Variants in SLC4A8 observed in about 807,000 individuals in gnomAD.
SLC4A8 encodes electroneutral sodium bicarbonate exchanger 1.
In SLC4A8, 40 loss-of-function variants were observed where a neutral mutation model predicts 125.0. That is an observed-to-expected ratio of 0.32 (90% confidence interval 0.25 to 0.42). The LOEUF (loss-of-function observed/expected upper bound fraction) is 0.42. Among genes scored for constraint, SLC4A8 ranks in the 10% least tolerant of loss-of-function variants. The probability of loss-of-function intolerance (pLI) is 1.00; values close to 1 mark genes in which losing one functional copy is unlikely to be tolerated. For missense variants in SLC4A8, 863 were observed against 1,355.1 expected (o/e 0.64, Z 5.70); for synonymous variants, 456 against 476.0 (o/e 0.96, Z 0.55).
chr12:51,413,769 G>A (rs1370721263), intron 1 of SLC4A8, among the ~76,000 whole-genome samples: 6 of 152,034 alleles, frequency 3.9e-5, no homozygotes, highest in Admixed American at 1.3e-4. Context: ...ATTCTGTTTC[G>A]TTGGTCTGTG....
At chr12:51,453,832 A>G (rs930346210) in intron 5 of SLC4A8, 133 bp downstream of exon 5, 5 of 703,842 alleles carry the variant, frequency 7.1e-6, no homozygotes, top group Non-Finnish European at 9.2e-6. Flanking sequence ...TCCTGGCCTC[A>G]ATGTCCTTGG....
chr12:51,513,591 A>T lies in SLC4A8; in HGVS notation c.*6153A>T, dbSNP rs1190957520. The T allele has an allele frequency of 6.6e-6, 1 of 152,314 alleles. No homozygotes were observed. Among genetic ancestry groups the T allele is most frequent in the Non-Finnish European group, 1.5e-5 (1 of 68,144 alleles). 9.4% of individuals were successfully genotyped at this position (152,314 alleles called of 1,614,324 possible). On this transcript the variant is annotated 3_prime_UTR_variant, in exon 25 of 25. Transcript: ENST00000453097. ...TGCCTCAGCCTCCTGAGTAGCTGGGACTATAGGCGCGCACCACCATGCCCA... is the reference window on the plus strand; with the variant it reads ...TGCCTCAGCCTCCTGAGTAGCTGGGTCTATAGGCGCGCACCACCATGCCCA...
intron 1 of SLC4A8, 90 bp from the exon 2 acceptor site, chr12:51,440,618 A>G: frequency 1.1e-6 from 1 of 929,538 alleles, no homozygotes; most frequent in South Asian, 1.6e-5. Flanking sequence ...TTTCCCCCGT[A>G]AGTATCTCAA....
At chr12:51,411,097 C>T (rs1193148660) in intron 1 of SLC4A8, among the ~76,000 whole-genome samples, 1 of 143,912 alleles carries the variant, frequency 6.9e-6, no homozygotes, top group Non-Finnish European at 1.5e-5. Flanking sequence ...GATTTCAGTT[C>T]CTTATACAGA....
rs1938304919 is a variant in SLC4A8, at chr12:51,509,957, ATCCTGGC to A, written c.*2522_*2528del. On this transcript the variant is annotated 3_prime_UTR_variant, in exon 25 of 25. Transcript: ENST00000453097. The stretch of plus-strand genomic sequence containing the variant: ...TGGGGTTGGGCGAATGGGTTGGATG[ATCCTGGC>A]TCTGTGGGTGTGGTGCTCGGTTGCC... The A allele has an allele frequency of 6.6e-6, 1 of 152,428 alleles. No homozygotes were observed. The highest frequency in any genetic ancestry group is 1.5e-5 in the Non-Finnish European group (1 of 68,094). 9.4% of individuals were successfully genotyped at this position (152,428 alleles called of 1,614,324 possible). A position where few individuals can be genotyped will look rare whatever the true frequency, so the allele number is the denominator to read the frequency against.
At position 51,511,452 on chromosome 12, in the gene SLC4A8, C is replaced by T. The variant is rs771697168; in HGVS notation, c.*4014C>T. The T allele has an allele frequency of 3.9e-5, 6 of 152,184 alleles. No homozygotes were observed. Among genetic ancestry groups the T allele is most frequent in the Admixed American group, 6.5e-5 (1 of 15,276 alleles). 9.4% of individuals were successfully genotyped at this position (152,184 alleles called of 1,614,324 possible). On this transcript the variant is annotated 3_prime_UTR_variant, in exon 25 of 25. Transcript: ENST00000453097. ...TCGCCCAGGCTGGAGTGCAGTGGTG[C>T]GATCTCATCTCACTGCAACCTCTGC...
chr12:51,404,550 G>A (rs1016785069), intron 1 of SLC4A8, among the ~76,000 whole-genome samples: 4 of 152,060 alleles, frequency 2.6e-5, no homozygotes, highest in South Asian at 2.1e-4. Flanking sequence ...TCCTCCCCCC[G>A]TCTTTTCTCC....
chr12:51,411,781 T>C (rs1033200276), intron 1 of SLC4A8, among the ~76,000 whole-genome samples: 2 of 152,158 alleles, frequency 1.3e-5, no homozygotes, highest in African/African-American at 4.8e-5. Flanking sequence ...TTCTATTTAG[T>C]AGAGTTAAAA....
At chr12:51,492,505 A>G (rs1412007026) in intron 19 of SLC4A8, among the ~76,000 whole-genome samples, 2 of 152,146 alleles carry the variant, frequency 1.3e-5, no homozygotes, top group African/African-American at 4.8e-5. Flanking sequence ...CTGCTTCTCC[A>G]AGATAGAACC....
intron 17 of SLC4A8, among the ~76,000 whole-genome samples, chr12:51,487,286 A>G (rs1951186015): frequency 1.3e-5 from 2 of 152,204 alleles, no homozygotes; most frequent in South Asian, 4.1e-4. Context: ...TCTGAAGGCT[A>G]GTACTATTAC....
Position 51,510,561 on chromosome 12 carries a change from T to C in SLC4A8, c.*3123T>C, listed in dbSNP as rs1455579863. The C allele has an allele frequency of 6.6e-6, 1 of 152,226 alleles. No homozygotes were observed. The highest frequency in any genetic ancestry group is 1.5e-5 in the Non-Finnish European group (1 of 68,042). The allele number at this position is 152,226 out of a possible 1,614,324, so 9.4% of individuals were successfully genotyped here. On this transcript the variant is annotated 3_prime_UTR_variant, in exon 25 of 25. Transcript: ENST00000453097. ...ATTTTTTCTCAATTATGCTTGCTAA[T>C]GTGTCAAAGGCCAAGTACACTGTAT...
chr12:51,501,548 A>G (rs1428064449), intron 22 of SLC4A8, among the ~76,000 whole-genome samples: 4 of 152,120 alleles, frequency 2.6e-5, no homozygotes, highest in Non-Finnish European at 4.4e-5. Flanking sequence ...TCTTTATTCA[A>G]TCCACCATTG....
At chr12:51,480,363 G>A (rs935921576) in intron 16 of SLC4A8, 19 of 1,166,828 alleles carry the variant, frequency 1.6e-5, no homozygotes, top group Middle Eastern at 3.7e-4. Context: ...TAAAAGTCTA[G>A]AATGTGCTGC....
intron 16 of SLC4A8, among the ~76,000 whole-genome samples, chr12:51,483,191 T>C (rs1382783507): frequency 6.6e-6 from 1 of 152,178 alleles, no homozygotes; most frequent in Non-Finnish European, 1.5e-5. Flanking sequence ...CAGTAGGTTT[T>C]GATGCTGCCT....
chr12:51,488,651 C>G (rs779175619), intron 17 of SLC4A8, 48 bp from the exon 18 acceptor site: 1 of 1,474,726 alleles, frequency 6.8e-7, no homozygotes, highest in Non-Finnish European at 9.4e-7. Flanking sequence ...ATGTTTTACC[C>G]CAATGACTAT....
rs551161363 is a variant in SLC4A8 at position 51,505,344 on chromosome 12, T to C, written c.3174-491T>C. Among the ~76,000 whole-genome samples, 3 of 152,270 alleles carry C rather than the reference T, an allele frequency of 2.0e-5. No homozygotes were observed. In the East Asian group the frequency reaches 5.8e-4, roughly 29 times the overall value. ...ACTTAGCTCTGAGAGCTTTCATTTC[T>C]GCACCTTCAAAATGAGGATGTTAAT... On this transcript the variant is annotated intron_variant, in intron 23 of 24. Coordinates refer to ENST00000453097, the MANE Select transcript of SLC4A8 (RefSeq NM_001039960.3).
intron 16 of SLC4A8, among the ~76,000 whole-genome samples, chr12:51,476,231 C>T (rs138323170): frequency 0.015 from 2,246 of 152,308 alleles, 73 homozygotes; most frequent in African/African-American, 0.052. Flanking sequence ...CCTGTAATCC[C>T]AGCACTTTGG....
chr12:51,413,138 T>G (rs1232311089), intron 1 of SLC4A8, among the ~76,000 whole-genome samples: 1 of 152,222 alleles, frequency 6.6e-6, no homozygotes, highest in South Asian at 2.1e-4. Context: ...TATGTCATTG[T>G]GGTTTTTATT....
chr12:51,509,663 A>C lies in SLC4A8; in HGVS notation c.*2225A>C, dbSNP rs1938293038. On this transcript the variant is annotated 3_prime_UTR_variant, in exon 25 of 25. Transcript: ENST00000453097. ...AACTGGGTGAGAGTATCACTCAGAA[A>C]AATGCCTCCCCTAACACACGGATGT... 1 of 152,154 alleles carries C rather than the reference A, an allele frequency of 6.6e-6. No homozygotes were observed. Among genetic ancestry groups the C allele is most frequent in the Non-Finnish European group, 1.5e-5 (1 of 68,062 alleles). 9.4% of individuals were successfully genotyped at this position (152,154 alleles called of 1,614,324 possible).
Sources: gnomAD v4.1 joint callset for allele counts (sites outside exome capture counted in the v4.1 genomes callset) on GRCh38, gnomAD v4.1.1 for gene constraint, MANE v1.5 for transcripts, NCBI Gene and HGNC (gene_info 2026-07-23, HGNC 2026-07-21) for gene names.